TTBK2: variants seen among roughly 807,000 people sequenced by gnomAD.
The protein encoded by TTBK2 is tau tubulin kinase 2.
TTBK2 carries 28 observed loss-of-function variants against 110.8 expected under a neutral mutation model. The observed-to-expected ratio is 0.25, with a 90% CI of 0.19 to 0.35. TTBK2 has a LOEUF of 0.35. Ranked by LOEUF, TTBK2 falls within the 10% of genes least tolerant of loss-of-function variation. The pLI, the probability that TTBK2 is intolerant of heterozygous loss-of-function variation, is 1.00. For missense variants in TTBK2, 1,369 were observed against 1,500.3 expected (o/e 0.91, Z 1.45); for synonymous variants, 532 against 527.3 (o/e 1.01, Z -0.12).
chr15:42,880,307 T>A (rs566231857), intron 1 of TTBK2, among the ~76,000 whole-genome samples: 99 of 152,262 alleles, frequency 6.5e-4, no homozygotes, highest in African/African-American at 2.2e-3. Context: ...AAAAGGTCAA[T>A]CAATTCCTAA....
chr15:42,918,287 A>G (rs1178504480), intron 1 of TTBK2, among the ~76,000 whole-genome samples: 1 of 151,842 alleles, frequency 6.6e-6, no homozygotes, highest in African/African-American at 2.4e-5. Flanking sequence ...GGCTGGTCTC[A>G]AACTCCTGGG....
intron 11 of TTBK2, among the ~76,000 whole-genome samples, chr15:42,779,408 C>CA (rs35452096): frequency 0.32 from 32,241 of 101,980 alleles, 3,982 homozygotes; most frequent in Admixed American, 0.37. Flanking sequence ...AACCCTGTCA[C>CA]AAAAAAAAAA....
intron 13 of TTBK2, among the ~76,000 whole-genome samples, chr15:42,764,335 G>T (rs908731120): frequency 6.6e-6 from 1 of 152,204 alleles, no homozygotes; most frequent in Non-Finnish European, 1.5e-5. Flanking sequence ...GGGGGTTGGG[G>T]GATTTCCCTT....
intron 13 of TTBK2, among the ~76,000 whole-genome samples, chr15:42,764,334 G>A (rs981613751): frequency 6.6e-6 from 1 of 152,226 alleles, no homozygotes; most frequent in Admixed American, 6.5e-5. Flanking sequence ...AGGGGGTTGG[G>A]GGATTTCCCT....
chr15:42,760,127 TATA>T (rs1162052335), intron 13 of TTBK2, among the ~76,000 whole-genome samples: 4 of 152,154 alleles, frequency 2.6e-5, no homozygotes, highest in African/African-American at 9.7e-5. Context: ...GGCTCACGCC[TATA>T]ATACCAGCAC....
intron 3 of TTBK2, among the ~76,000 whole-genome samples, chr15:42,844,887 C>T (rs1461939340): frequency 1.2e-4 from 18 of 152,104 alleles, no homozygotes; most frequent in Admixed American, 1.1e-3. Context: ...AGAAACAGGA[C>T]GACCTACTAT....
At chr15:42,892,063 C>T (rs1376189781) in intron 1 of TTBK2, among the ~76,000 whole-genome samples, 1 of 152,110 alleles carries the variant, frequency 6.6e-6, no homozygotes, top group Non-Finnish European at 1.5e-5. Context: ...GGAACGTACA[C>T]CAAAAGACTA....
chr15:42,833,466 GC>G (rs1892855833), intron 4 of TTBK2, among the ~76,000 whole-genome samples: 1 of 151,936 alleles, frequency 6.6e-6, no homozygotes, highest in Admixed American at 6.6e-5. Context: ...TCAATTCATG[GC>G]CAGTCTTGTT....
At chr15:42,856,303 C>T (rs1044187187) in intron 3 of TTBK2, among the ~76,000 whole-genome samples, 26 of 151,938 alleles carry the variant, frequency 1.7e-4, no homozygotes, top group African/African-American at 6.3e-4. Context: ...CATTAAAAGA[C>T]ACCACAAGGA....
intron 6 of TTBK2, among the ~76,000 whole-genome samples, chr15:42,821,125 G>T (rs1892277741): frequency 6.6e-6 from 1 of 152,012 alleles, no homozygotes; most frequent in African/African-American, 2.4e-5. Flanking sequence ...AAAAAGAAAG[G>T]TATAGAATGT....
chr15:42,905,920 G>A (rs1272765637), intron 1 of TTBK2, among the ~76,000 whole-genome samples: 1 of 152,176 alleles, frequency 6.6e-6, no homozygotes, highest in African/African-American at 2.4e-5. Flanking sequence ...CGGGCATGGT[G>A]GCTCACACCT....
intron 2 of TTBK2, among the ~76,000 whole-genome samples, chr15:42,878,243 A>C (rs1894895007): frequency 6.6e-6 from 1 of 151,604 alleles, no homozygotes; most frequent in Non-Finnish European, 1.5e-5. Context: ...CGGCCTCCCA[A>C]AGTGCTGGGA....
chr15:42,820,789 C>T (rs1013076504), intron 6 of TTBK2, among the ~76,000 whole-genome samples: 15 of 151,794 alleles, frequency 9.9e-5, no homozygotes, highest in African/African-American at 3.4e-4. Context: ...TCACTTGAGG[C>T]CAGGAGTTCA....
chr15:42,771,036 C>T (rs1012151778), intron 13 of TTBK2, among the ~76,000 whole-genome samples: 5 of 151,552 alleles, frequency 3.3e-5, no homozygotes, highest in South Asian at 2.1e-4. Flanking sequence ...TGCAGTGGCG[C>T]GATCTCGGCT....
chr15:42,879,542 T>G (rs901871859), intron 1 of TTBK2, among the ~76,000 whole-genome samples: 2 of 151,932 alleles, frequency 1.3e-5, no homozygotes, highest in African/African-American at 4.8e-5. Context: ...CATACTGTAT[T>G]CTCTGTCATA....
At chr15:42,777,490 T>C (rs1212948071) in intron 11 of TTBK2, among the ~76,000 whole-genome samples, 1 of 152,226 alleles carries the variant, frequency 6.6e-6, no homozygotes, top group African/African-American at 2.4e-5. Flanking sequence ...ACATAAATAA[T>C]CTAAAAATGT....
At chr15:42,808,686 T>TA (rs1397034441) in intron 9 of TTBK2, among the ~76,000 whole-genome samples, 57 of 148,102 alleles carry the variant, frequency 3.8e-4, no homozygotes, top group Non-Finnish European at 4.3e-4. Context: ...ATCTCTGCTT[T>TA]AAAAAAAATA....
At chr15:42,842,610 G>A (rs963977501) in intron 3 of TTBK2, among the ~76,000 whole-genome samples, 1 of 152,000 alleles carries the variant, frequency 6.6e-6, no homozygotes, top group Non-Finnish European at 1.5e-5. Flanking sequence ...AGCAAAGCCA[G>A]GTGCAGTGGC....
At chr15:42,866,677 C>A (rs984188250) in intron 3 of TTBK2, among the ~76,000 whole-genome samples, 2 of 151,906 alleles carry the variant, frequency 1.3e-5, no homozygotes, top group African/African-American at 2.4e-5. Flanking sequence ...ATAAAACATA[C>A]CCTAACAAAC....
Sources: gnomAD v4.1 joint callset for allele counts (sites outside exome capture counted in the v4.1 genomes callset) on GRCh38, gnomAD v4.1.1 for gene constraint, MANE v1.5 for transcripts, NCBI Gene and HGNC (gene_info 2026-07-23, HGNC 2026-07-21) for gene names.